LMO7: variants seen among roughly 807,000 people sequenced by gnomAD.
The protein encoded by LMO7 is LIM domain only protein 7.
Under a neutral mutation model 206.5 loss-of-function variants are expected in LMO7, and 120 were observed. The observed-to-expected ratio is 0.58, with a 90% CI of 0.50 to 0.68. The LOEUF (loss-of-function observed/expected upper bound fraction) is 0.68, where lower values mean the gene tolerates loss of function less well. LMO7 is among the 30% of genes least tolerant of loss of function. The pLI is 0.00. For synonymous variants in LMO7, 706 were observed against 681.5 expected, an observed-to-expected ratio of 1.04 and a Z score of -0.56; for missense variants, 1,959 against 1,957.9, an observed-to-expected ratio of 1.00 and a Z score of -0.01.
At chr13:75,747,997 A>T (rs2046986524) in intron 3 of LMO7, among the ~76,000 whole-genome samples, 1 of 152,082 alleles carries the variant, frequency 6.6e-6, no homozygotes, top group South Asian at 2.1e-4. Flanking sequence ...CTGAGTATTT[A>T]CCTATATCTT....
At chr13:75,656,596 T>C (rs2038081425) in intron 1 of LMO7, among the ~76,000 whole-genome samples, 1 of 152,224 alleles carries the variant, frequency 6.6e-6, no homozygotes, top group Non-Finnish European at 1.5e-5. Context: ...GTCATAGTTA[T>C]GGTTTCTGGG....
At chr13:75,838,035 A>T in intron 19 of LMO7, 105 bp from the exon 20 acceptor site, 1 of 683,218 alleles carries the variant, frequency 1.5e-6, no homozygotes, top group Non-Finnish European at 2.5e-6. Flanking sequence ...GTGATCTTTT[A>T]AAATAATATT....
chr13:75,832,956 T>C, intron 15 of LMO7, 95 bp from the exon 16 acceptor site: 1 of 655,634 alleles, frequency 1.5e-6, no homozygotes, highest in South Asian at 2.0e-5. Flanking sequence ...GATTCAAGTC[T>C]ACCTAGCGTG....
At chr13:75,657,227 T>C (rs1449337876) in intron 1 of LMO7, among the ~76,000 whole-genome samples, 1 of 152,198 alleles carries the variant, frequency 6.6e-6, no homozygotes, top group Non-Finnish European at 1.5e-5. Context: ...ATGGCCATGC[T>C]GACACCTTGA....
upstream of LMO7, among the ~76,000 whole-genome samples, chr13:75,635,323 T>C (rs371315038): frequency 3.0e-4 from 46 of 152,148 alleles, 1 homozygote; most frequent in East Asian, 4.5e-3. Flanking sequence ...CTCAGGAGCG[T>C]GGAGTGAGGG....
intron 1 of LMO7, among the ~76,000 whole-genome samples, chr13:75,681,847 C>G (rs2040563314): frequency 2.0e-5 from 3 of 150,640 alleles, no homozygotes; most frequent in African/African-American, 7.3e-5. Context: ...ATCAGTAAAT[C>G]ATATCTTTTT....
At chr13:75,726,974 C>G in intron 2 of LMO7, 55 bp from the exon 3 acceptor site, 1 of 1,004,956 alleles carries the variant, frequency 1.0e-6, no homozygotes, top group Middle Eastern at 2.7e-4. Context: ...AGAATGCTAA[C>G]AAAAAACCTG....
intron 1 of LMO7, among the ~76,000 whole-genome samples, chr13:75,673,131 TG>T (rs1463282953): frequency 6.6e-6 from 1 of 152,212 alleles, no homozygotes; most frequent in Non-Finnish European, 1.5e-5. Context: ...AATTTAAGTG[TG>T]AGGCATGAGC....
intron 4 of LMO7, among the ~76,000 whole-genome samples, chr13:75,785,814 C>T (rs2140438185): frequency 6.6e-6 from 1 of 152,276 alleles, no homozygotes; most frequent in South Asian, 2.1e-4. Flanking sequence ...ATTCCAATAT[C>T]ATGATCCTAA....
intron 1 of LMO7, among the ~76,000 whole-genome samples, chr13:75,622,919 A>G (rs1198780781): frequency 1.3e-5 from 2 of 152,232 alleles, no homozygotes; most frequent in African/African-American, 2.4e-5. Flanking sequence ...TGCAGGCACA[A>G]AATGTTACTA....
chr13:75,819,255 A>T (rs1417263629), intron 12 of LMO7, 138 bp from the exon 13 acceptor site: 1 of 1,029,988 alleles, frequency 9.7e-7, no homozygotes, highest in Admixed American at 3.0e-5. Context: ...GGCTATAAAA[A>T]GCAAAATTAG....
chr13:75,758,547 GTCTT>G lies in LMO7; in HGVS notation c.211-2383_211-2380del, dbSNP rs534586401. Among the ~76,000 whole-genome samples the G allele has an allele frequency of 8.5e-5, 13 of 152,268 alleles. 1 individual carries two copies. In the East Asian group the frequency reaches 2.3e-3, roughly 27 times the overall value. ...ATTCTGCTGTTTTGGTTAAAATAAA[GTCTT>G]TATTTAAGGCTAGAATTTAGCCATA... On this transcript the variant is annotated intron_variant, in intron 3 of 30. Transcript: ENST00000377534.
At chr13:75,681,929 T>G (rs1180982703) in intron 1 of LMO7, among the ~76,000 whole-genome samples, 4 of 151,864 alleles carry the variant, frequency 2.6e-5, no homozygotes, top group African/African-American at 9.7e-5. Context: ...TTGGGTTGTT[T>G]CCAGTTTTTT....
intron 4 of LMO7, among the ~76,000 whole-genome samples, chr13:75,764,102 G>A (rs1282294140): frequency 6.6e-6 from 1 of 151,866 alleles, no homozygotes; most frequent in African/African-American, 2.4e-5. Flanking sequence ...TATTTATTTA[G>A]GGACTACATG....
intron 14 of LMO7, among the ~76,000 whole-genome samples, chr13:75,822,394 TG>T (rs2057669682): frequency 6.6e-6 from 1 of 152,190 alleles, no homozygotes; most frequent in Non-Finnish European, 1.5e-5. Flanking sequence ...AAGAATTTCA[TG>T]GCAGACCCCC....
intron 2 of LMO7, among the ~76,000 whole-genome samples, chr13:75,726,428 T>C (rs1445786127): frequency 6.6e-6 from 1 of 151,988 alleles, no homozygotes; most frequent in Non-Finnish European, 1.5e-5. Flanking sequence ...GATTCTGAGG[T>C]AACTTAGTTA....
chr13:75,835,879 C>T (rs942647653), intron 18 of LMO7, among the ~76,000 whole-genome samples: 5 of 152,002 alleles, frequency 3.3e-5, no homozygotes, highest in African/African-American at 1.2e-4. Flanking sequence ...AATACTTTTT[C>T]CTGTAGACTT....
intron 1 of LMO7, among the ~76,000 whole-genome samples, chr13:75,712,460 C>T (rs2043197357): frequency 6.6e-6 from 1 of 152,178 alleles, no homozygotes; most frequent in Non-Finnish European, 1.5e-5. Context: ...ATCCCAGCCA[C>T]CTCCCCCTTC....
At chr13:75,852,831 A>C (rs2060600940) in intron 27 of LMO7, among the ~76,000 whole-genome samples, 1 of 152,136 alleles carries the variant, frequency 6.6e-6, no homozygotes, top group South Asian at 2.1e-4. Flanking sequence ...ATTGAGGTGG[A>C]TTAGGCTTAG....
Sources: gnomAD v4.1 joint callset for allele counts (sites outside exome capture counted in the v4.1 genomes callset) on GRCh38, gnomAD v4.1.1 for gene constraint, MANE v1.5 for transcripts, NCBI Gene and HGNC (gene_info 2026-07-23, HGNC 2026-07-21) for gene names.